Variants in SPAG16 observed in about 807,000 individuals in gnomAD.
The protein encoded by SPAG16 is sperm associated antigen 16.
A neutral mutation model predicts 80.4 loss-of-function variants in SPAG16; 86 were observed. The observed-to-expected ratio is 1.07, with a 90% CI of 0.90 to 1.28. The LOEUF (loss-of-function observed/expected upper bound fraction) is 1.28. Ranked by LOEUF, SPAG16 falls within the 50% of genes most tolerant of loss-of-function variation. The pLI is 0.00. For missense variants in SPAG16, 870 were observed against 765.3 expected (o/e 1.14, Z -1.61); for synonymous variants, 294 against 265.9 (o/e 1.11, Z -1.03).
chr2:213,749,627 A>G (rs578197567), intron 10 of SPAG16, among the ~76,000 whole-genome samples: 5 of 152,350 alleles, frequency 3.3e-5, no homozygotes, highest in African/African-American at 1.2e-4. Context: ...TTTAAATAAA[A>G]CAAACTTAGA....
intron 9 of SPAG16, among the ~76,000 whole-genome samples, chr2:213,442,975 T>G (rs944435776): frequency 3.9e-5 from 6 of 152,082 alleles, no homozygotes. Context: ...AGCCAAAGAC[T>G]GAGATAAAAC....
chr2:213,672,939 A>G (rs1486948214), intron 10 of SPAG16, among the ~76,000 whole-genome samples: 1 of 150,936 alleles, frequency 6.6e-6, no homozygotes, highest in African/African-American at 2.4e-5. Flanking sequence ...GCTCACTGCA[A>G]GCTCCGCCTC....
chr2:213,907,406 G>A (rs1476142803), intron 11 of SPAG16, among the ~76,000 whole-genome samples: 1 of 150,916 alleles, frequency 6.6e-6, no homozygotes, highest in Admixed American at 6.6e-5. Context: ...CAGAGAAAAG[G>A]AAATTTATAC....
At chr2:214,012,026 T>C (rs941229446) in intron 12 of SPAG16, among the ~76,000 whole-genome samples, 3 of 151,680 alleles carry the variant, frequency 2.0e-5, no homozygotes, top group African/African-American at 7.3e-5. Flanking sequence ...AATAATTTCA[T>C]TCACACAAGA....
intron 13 of SPAG16, among the ~76,000 whole-genome samples, chr2:214,061,803 A>C (rs1199486466): frequency 1.3e-5 from 2 of 152,146 alleles, no homozygotes; most frequent in East Asian, 3.9e-4. Flanking sequence ...GTGAGGAGTA[A>C]GCAGCCCTAG....
chr2:213,476,444 C>A (rs914034394), intron 9 of SPAG16, among the ~76,000 whole-genome samples: 2 of 152,150 alleles, frequency 1.3e-5, no homozygotes, highest in African/African-American at 4.8e-5. Context: ...GGGGGATTGA[C>A]AAAATCCTCC....
intron 9 of SPAG16, among the ~76,000 whole-genome samples, chr2:213,428,675 G>A (rs1044808069): frequency 3.9e-5 from 6 of 152,162 alleles, no homozygotes; most frequent in Admixed American, 6.5e-5. Flanking sequence ...GTTTTGTCCC[G>A]GTTTCAAGTT....
intron 15 of SPAG16, among the ~76,000 whole-genome samples, chr2:214,297,173 GTTGAGTTTT>G (rs1694193863): frequency 1.3e-5 from 2 of 152,118 alleles, no homozygotes; most frequent in South Asian, 4.1e-4. Flanking sequence ...TGTTATTGTT[GTTGAGTTTT>G]TTGAGTCCTT....
intron 10 of SPAG16, among the ~76,000 whole-genome samples, chr2:213,684,057 G>A (rs192064102): frequency 6.6e-6 from 1 of 152,304 alleles, no homozygotes; most frequent in Non-Finnish European, 1.5e-5. Context: ...TGACAACATT[G>A]GATTGGCAGC....
At chr2:213,639,819 A>T (rs1208367263) in intron 10 of SPAG16, among the ~76,000 whole-genome samples, 7 of 152,184 alleles carry the variant, frequency 4.6e-5, no homozygotes, top group Admixed American at 4.6e-4. Flanking sequence ...TTCCTTGATT[A>T]TTCCCTCAAA....
chr2:213,430,513 A>C (rs1231954531), intron 9 of SPAG16, among the ~76,000 whole-genome samples: 1 of 152,146 alleles, frequency 6.6e-6, no homozygotes, highest in African/African-American at 2.4e-5. Context: ...AATGTATTTT[A>C]TTTATAGCTC....
chr2:213,455,355 C>G (rs1182625997), intron 9 of SPAG16, among the ~76,000 whole-genome samples: 4 of 152,140 alleles, frequency 2.6e-5, no homozygotes, highest in Non-Finnish European at 5.9e-5. Context: ...TACCTCCCTC[C>G]CCACCAAACA....
At chr2:214,399,813 T>C (rs1701606285) in intron 15 of SPAG16, among the ~76,000 whole-genome samples, 1 of 152,110 alleles carries the variant, frequency 6.6e-6, no homozygotes, top group South Asian at 2.1e-4. Context: ...TTGTGATGGC[T>C]TATCGAATCC....
chr2:213,454,862 A>G (rs2071906224), intron 9 of SPAG16, among the ~76,000 whole-genome samples: 1 of 152,216 alleles, frequency 6.6e-6, no homozygotes, highest in African/African-American at 2.4e-5. Context: ...GAAATTTTGT[A>G]ATACAAGCAC....
chr2:214,025,181 C>T (rs1158299281), intron 13 of SPAG16, among the ~76,000 whole-genome samples: 1 of 151,622 alleles, frequency 6.6e-6, no homozygotes, highest in Non-Finnish European at 1.5e-5. Context: ...AGAGACAAGT[C>T]TTCTCATGAT....
At chr2:214,111,558 G>T (rs1258000133) in intron 14 of SPAG16, among the ~76,000 whole-genome samples, 1 of 152,154 alleles carries the variant, frequency 6.6e-6, no homozygotes, top group East Asian at 1.9e-4. Context: ...TTGAAGTCAG[G>T]TAGCGTGATG....
chr2:213,712,683 T>C (rs879429680), intron 10 of SPAG16, among the ~76,000 whole-genome samples: 1 of 152,168 alleles, frequency 6.6e-6, no homozygotes, highest in African/African-American at 2.4e-5. Context: ...TTTCCTTCCA[T>C]ATCAAGTGAA....
chr2:214,308,275 T>C (rs939983440), intron 15 of SPAG16, among the ~76,000 whole-genome samples: 2 of 152,258 alleles, frequency 1.3e-5, no homozygotes, highest in Non-Finnish European at 2.9e-5. Flanking sequence ...TTGAGCCTAT[T>C]TGGGTCACTG....
chr2:213,648,304 T>C (rs2062896176), intron 10 of SPAG16, among the ~76,000 whole-genome samples: 1 of 151,382 alleles, frequency 6.6e-6, no homozygotes. Flanking sequence ...TTATCACCTA[T>C]GTCTATTCAA....
Sources: allele counts gnomAD v4.1 joint callset (sites outside exome capture counted in the v4.1 genomes callset), GRCh38; gene constraint gnomAD v4.1.1; transcripts MANE v1.5; gene names NCBI Gene and HGNC (gene_info 2026-07-23, HGNC 2026-07-21).